Variants in VDAC1 observed in about 807,000 individuals in gnomAD.
VDAC1 encodes voltage dependent anion channel 1.
A neutral mutation model predicts 34.7 loss-of-function variants in VDAC1; 10 were observed. That is an observed-to-expected ratio of 0.29 (90% CI 0.18 to 0.49). The LOEUF (loss-of-function observed/expected upper bound fraction) is 0.49, where lower values mean the gene tolerates loss of function less well. Ranked by LOEUF, VDAC1 falls within the 20% of genes least tolerant of loss-of-function variation. The pLI, the probability that VDAC1 is intolerant of heterozygous loss-of-function variation, is 0.99. For missense variants in VDAC1, 230 were observed against 347.9 expected (o/e 0.66, Z 2.69); for synonymous variants, 130 against 136.0 (o/e 0.96, Z 0.30).
intron 1 of VDAC1, among the ~76,000 whole-genome samples, chr5:133,994,751 C>T (rs1444992208): frequency 1.3e-5 from 2 of 152,182 alleles, no homozygotes; most frequent in African/African-American, 4.8e-5. Flanking sequence ...GAACATTCTC[C>T]ACCCGACAGG....
chr5:134,032,981 C>A, the VDAC1 span, among the ~76,000 whole-genome samples: 1 of 151,608 alleles, frequency 6.6e-6, no homozygotes, highest in Non-Finnish European at 1.5e-5. Context: ...TATGATTGTA[C>A]CTCTGCACTC....
chr5:134,013,883 AGTGAG>A, the VDAC1 span, among the ~76,000 whole-genome samples: 1 of 151,978 alleles, frequency 6.6e-6, no homozygotes, highest in Non-Finnish European at 1.5e-5. Context: ...CGGAGGTTGC[AGTGAG>A]CTGAGATCGT....
the VDAC1 span, among the ~76,000 whole-genome samples, chr5:134,103,229 C>T: frequency 1.8e-4 from 28 of 152,170 alleles, no homozygotes; most frequent in Non-Finnish European, 3.5e-4. Flanking sequence ...TCAAGCCATC[C>T]GCCCACCTCA....
At chr5:134,025,386 C>T in the VDAC1 span, among the ~76,000 whole-genome samples, 2 of 152,148 alleles carry the variant, frequency 1.3e-5, no homozygotes, top group South Asian at 4.1e-4. Context: ...AGTCAAACAC[C>T]TCCCACCAGG....
the VDAC1 span, among the ~76,000 whole-genome samples, chr5:134,108,053 G>A: frequency 6.6e-6 from 1 of 152,220 alleles, no homozygotes; most frequent in African/African-American, 2.4e-5. Flanking sequence ...GGATATGATG[G>A]TGGCTTCAAT....
chr5:134,041,296 C>T, the VDAC1 span, among the ~76,000 whole-genome samples: 1,007 of 152,248 alleles, frequency 6.6e-3, 7 homozygotes, highest in South Asian at 0.014. Flanking sequence ...GCTGAAAATT[C>T]CTTGACCTAA....
the VDAC1 span, among the ~76,000 whole-genome samples, chr5:134,035,880 C>T: frequency 1.1e-4 from 16 of 152,002 alleles, no homozygotes; most frequent in East Asian, 2.7e-3. Flanking sequence ...GTGGCAGGTG[C>T]CTGAAATCCG....
the VDAC1 span, among the ~76,000 whole-genome samples, chr5:134,094,941 T>C: frequency 1.3e-5 from 2 of 152,182 alleles, no homozygotes; most frequent in Non-Finnish European, 2.9e-5. Flanking sequence ...CCAAGAACTC[T>C]GAGTTTCCCA....
the VDAC1 span, among the ~76,000 whole-genome samples, chr5:134,017,416 A>G: frequency 6.6e-6 from 1 of 152,028 alleles, no homozygotes; most frequent in Non-Finnish European, 1.5e-5. Flanking sequence ...AGATCACACC[A>G]TCGCACTCCA....
At chr5:134,006,744 C>G (rs1358578626), upstream of VDAC1, among the ~76,000 whole-genome samples, 2 of 113,892 alleles carry the variant, frequency 1.8e-5, no homozygotes, top group African/African-American at 6.8e-5. Context: ...TTGTCCCCCC[C>G]CCCCAAAAAA....
the VDAC1 span, among the ~76,000 whole-genome samples, chr5:134,074,294 G>A: frequency 6.8e-6 from 1 of 146,894 alleles, no homozygotes; most frequent in African/African-American, 2.5e-5. Context: ...CACAGAGCCA[G>A]ACTCCATCTC....
chr5:133,973,765 C>G (rs199569040), intron 8 of VDAC1, 26 bp downstream of exon 8: 2 of 1,603,262 alleles, frequency 1.2e-6, no homozygotes, highest in South Asian at 1.1e-5. Flanking sequence ...GATAAAGAAC[C>G]GATTTCACAC....
At chr5:134,062,451 A>C in the VDAC1 span, among the ~76,000 whole-genome samples, 1 of 151,708 alleles carries the variant, frequency 6.6e-6, no homozygotes, top group Admixed American at 6.6e-5. Context: ...GTGTGTATCT[A>C]TATACAGTTT....
chr5:134,086,003 G>C, the VDAC1 span, among the ~76,000 whole-genome samples: 71 of 152,218 alleles, frequency 4.7e-4, no homozygotes, highest in African/African-American at 1.6e-3. Context: ...GACCACCCTG[G>C]ACAATATGGT....
the VDAC1 span, among the ~76,000 whole-genome samples, chr5:134,089,167 G>GGAC: frequency 2.6e-5 from 4 of 152,250 alleles, no homozygotes; most frequent in Admixed American, 2.0e-4. Flanking sequence ...GGACAGGCAA[G>GGAC]GACAAAGAGC....
the VDAC1 span, among the ~76,000 whole-genome samples, chr5:134,106,052 G>A: frequency 6.6e-6 from 1 of 152,222 alleles, no homozygotes; most frequent in Non-Finnish European, 1.5e-5. Context: ...CCTCTGTAGA[G>A]AGGCTGCCAG....
intron 5 of VDAC1, among the ~76,000 whole-genome samples, chr5:133,990,589 A>T (rs1336760250): frequency 6.6e-6 from 1 of 152,244 alleles, no homozygotes; most frequent in African/African-American, 2.4e-5. Context: ...AGATGGGCAC[A>T]GGGCCAAGCA....
intron 5 of VDAC1, among the ~76,000 whole-genome samples, chr5:133,982,580 C>T (rs1482971332): frequency 6.6e-6 from 1 of 151,180 alleles, no homozygotes; most frequent in Non-Finnish European, 1.5e-5. Flanking sequence ...GACTAAAGAA[C>T]CAACCTGTTA....
At chr5:134,080,384 C>A in the VDAC1 span, among the ~76,000 whole-genome samples, 1 of 151,688 alleles carries the variant, frequency 6.6e-6, no homozygotes, top group African/African-American at 2.4e-5. Context: ...GCCTGCATTG[C>A]GTGAACTCCC....
Sources: gnomAD v4.1 joint callset for allele counts (sites outside exome capture counted in the v4.1 genomes callset) on GRCh38, gnomAD v4.1.1 for gene constraint, MANE v1.5 for transcripts, NCBI Gene and HGNC (gene_info 2026-07-23, HGNC 2026-07-21) for gene names.